The following RSRC1 variants were observed in gnomAD, a reference collection of about 807,000 sequenced individuals.
The protein encoded by RSRC1 is arginine and serine rich coiled-coil 1, also known as serine/Arginine-related protein 53.
Under a neutral mutation model 49.1 loss-of-function variants are expected in RSRC1, and 39 were observed. The ratio of observed to expected loss-of-function variants is 0.79; its 90% CI spans 0.61 to 1.04. The LOEUF is 1.04. Ranked by LOEUF, RSRC1 falls within the 50% of genes least tolerant of loss-of-function variation. The pLI, the probability that RSRC1 is intolerant of heterozygous loss-of-function variation, is 0.00. For missense variants in RSRC1, 388 were observed against 402.4 expected (o/e 0.96, Z 0.31); for synonymous variants, 143 against 130.8 (o/e 1.09, Z -0.63).
intron 1 of RSRC1, among the ~76,000 whole-genome samples, chr3:158,113,616 C>T (rs996401996): frequency 6.6e-6 from 1 of 152,132 alleles, no homozygotes; most frequent in Non-Finnish European, 1.5e-5. Context: ...ATCCACCCCC[C>T]TCAGCCTCCC....
At chr3:158,341,277 G>GAAGGT (rs1162208664) in intron 5 of RSRC1, among the ~76,000 whole-genome samples, 1 of 152,064 alleles carries the variant, frequency 6.6e-6, no homozygotes. Context: ...CCATGTCAGA[G>GAAGGT]ACCTTCATGG....
intron 4 of RSRC1, among the ~76,000 whole-genome samples, chr3:158,249,348 T>C (rs1724078332): frequency 6.6e-6 from 1 of 152,180 alleles, no homozygotes; most frequent in South Asian, 2.1e-4. Context: ...CCTAGAGCTT[T>C]CTATAAATAA....
At chr3:158,382,082 A>T (rs1175319093) in intron 6 of RSRC1, among the ~76,000 whole-genome samples, 2 of 152,192 alleles carry the variant, frequency 1.3e-5, no homozygotes, top group Non-Finnish European at 2.9e-5. Flanking sequence ...CTTTAAAAAA[A>T]ATTTTTTTAA....
chr3:158,527,294 G>A (rs779770199), intron 7 of RSRC1, among the ~76,000 whole-genome samples: 1 of 151,660 alleles, frequency 6.6e-6, no homozygotes, highest in South Asian at 2.1e-4. Context: ...TCTAGCTAGT[G>A]GGTGGCCAGA....
At chr3:158,441,343 G>T (rs1202186200) in intron 6 of RSRC1, among the ~76,000 whole-genome samples, 2 of 151,990 alleles carry the variant, frequency 1.3e-5, no homozygotes, top group Non-Finnish European at 2.9e-5. Context: ...GAAGATCTAC[G>T]ATCTTATCTT....
intron 7 of RSRC1, among the ~76,000 whole-genome samples, chr3:158,534,928 A>G (rs1712633191): frequency 6.6e-6 from 1 of 151,450 alleles, no homozygotes; most frequent in African/African-American, 2.4e-5. Context: ...AGGGGTAAAC[A>G]CAAACTTAGT....
At chr3:158,162,760 G>A (rs1411942335) in intron 3 of RSRC1, among the ~76,000 whole-genome samples, 1 of 152,114 alleles carries the variant, frequency 6.6e-6, no homozygotes. Flanking sequence ...ATTATAGAAA[G>A]CTTTGTTGTA....
rs533487648 is a variant in RSRC1 at position 158,285,374 on chromosome 3, C to T, written c.495-12665C>T. 1.8e-3 allele frequency among the ~76,000 whole-genome samples: 280 copies of T among 152,230 alleles called. 2 individuals carry two copies. The East Asian group carries it at 0.045, about 25-fold the overall frequency. On this transcript the variant is annotated intron_variant, in intron 4 of 9. Coordinates refer to ENST00000611884, the MANE Select transcript of RSRC1 (RefSeq NM_001271838.2). ...TTGGCCTAGGATTGACTTGGCAATGCGGGCTCTTTTTTGGTTCCATATGAA... is the reference window on the plus strand; with the variant it reads ...TTGGCCTAGGATTGACTTGGCAATGTGGGCTCTTTTTTGGTTCCATATGAA...
chr3:158,343,452 A>T (rs1290565764), intron 5 of RSRC1, among the ~76,000 whole-genome samples: 1 of 152,184 alleles, frequency 6.6e-6, no homozygotes, highest in African/African-American at 2.4e-5. Flanking sequence ...TTAAAGAGAA[A>T]GCAAGAAAAT....
chr3:158,142,662 C>T (rs1716820333), intron 3 of RSRC1, among the ~76,000 whole-genome samples: 2 of 152,106 alleles, frequency 1.3e-5, no homozygotes, highest in African/African-American at 4.8e-5. Flanking sequence ...AAAAGTGTCA[C>T]ACCCTTTTAA....
At chr3:158,482,254 G>T (rs776617446) in intron 7 of RSRC1, among the ~76,000 whole-genome samples, 21 of 151,868 alleles carry the variant, frequency 1.4e-4, no homozygotes, top group Non-Finnish European at 2.8e-4. Context: ...ATTGCTGAGG[G>T]TCTTATCCAA....
At chr3:158,506,410 T>C (rs534640844) in intron 7 of RSRC1, among the ~76,000 whole-genome samples, 2 of 152,066 alleles carry the variant, frequency 1.3e-5, no homozygotes, top group South Asian at 4.2e-4. Flanking sequence ...AAAATAATAA[T>C]AATTATAATA....
At chr3:158,208,186 TA>T (rs1251808889) in intron 4 of RSRC1, among the ~76,000 whole-genome samples, 1 of 152,138 alleles carries the variant, frequency 6.6e-6, no homozygotes, top group African/African-American at 2.4e-5. Flanking sequence ...TTTCTAAGAA[TA>T]TTTTCTCCTT....
chr3:158,351,691 A>G (rs892779430), intron 5 of RSRC1, among the ~76,000 whole-genome samples: 1 of 151,886 alleles, frequency 6.6e-6, no homozygotes, highest in East Asian at 1.9e-4. Flanking sequence ...TTTAGTTAGA[A>G]TGATCCTGAG....
chr3:158,145,481 A>G (rs972545630), intron 3 of RSRC1, among the ~76,000 whole-genome samples: 2 of 152,044 alleles, frequency 1.3e-5, no homozygotes, highest in Non-Finnish European at 2.9e-5. Context: ...GTTCTGTTCC[A>G]TTGGGCTATA....
intron 4 of RSRC1, among the ~76,000 whole-genome samples, chr3:158,254,552 C>T (rs1347591027): frequency 6.6e-6 from 1 of 152,168 alleles, no homozygotes; most frequent in Non-Finnish European, 1.5e-5. Context: ...CTGCCTCACC[C>T]TCCCGAGTAG....
At chr3:158,147,987 A>T (rs893243999) in intron 3 of RSRC1, among the ~76,000 whole-genome samples, 2 of 152,176 alleles carry the variant, frequency 1.3e-5, no homozygotes, top group Non-Finnish European at 2.9e-5. Context: ...CTAAACTCTT[A>T]TTCTTAATTT....
At chr3:158,355,288 TA>T (rs1382905296) in intron 6 of RSRC1, among the ~76,000 whole-genome samples, 1 of 151,846 alleles carries the variant, frequency 6.6e-6, no homozygotes, top group Non-Finnish European at 1.5e-5. Context: ...AAAGAAAAAT[TA>T]AAATGGAGGA....
intron 6 of RSRC1, among the ~76,000 whole-genome samples, chr3:158,366,214 C>T (rs1731761733): frequency 1.3e-5 from 2 of 152,142 alleles, no homozygotes; most frequent in Admixed American, 6.5e-5. Flanking sequence ...GTCATGAATT[C>T]TTTGCCCATG....
Sources: allele counts gnomAD v4.1 joint callset (sites outside exome capture counted in the v4.1 genomes callset), GRCh38; gene constraint gnomAD v4.1.1; transcripts MANE v1.5; gene names NCBI Gene and HGNC (gene_info 2026-07-23, HGNC 2026-07-21).